TTL: variants seen among roughly 807,000 people sequenced by gnomAD.
TTL encodes tubulin--tyrosine ligase.
TTL carries 10 observed loss-of-function variants against 41.1 expected under a neutral mutation model. The observed-to-expected ratio is 0.24, with a 90% CI of 0.15 to 0.41. The LOEUF (loss-of-function observed/expected upper bound fraction) is 0.41. TTL is among the 10% of genes least tolerant of loss of function. The probability of loss-of-function intolerance (pLI) is 1.00; values close to 1 mark genes in which losing one functional copy is unlikely to be tolerated. For missense variants in TTL, 367 were observed against 460.4 expected (o/e 0.80, Z 1.86); for synonymous variants, 175 against 175.5 (o/e 1.00, Z 0.02).
chr2:112,494,962 C>T (rs1170796462), intron 3 of TTL, among the ~76,000 whole-genome samples: 1 of 152,176 alleles, frequency 6.6e-6, no homozygotes. Flanking sequence ...TAAATCTAAT[C>T]ATGTTACTTC....
chr2:112,485,958 G>A lies in TTL; in HGVS notation c.199G>A (p.Gly67Ser). ...GGTACAGTTGGTGAATTACTACAGG[G>A]GTGCTGACAAACTGTGTCGCAAAGC... ...GLVQLVNYYRGADKLCRKASL... is the reference protein window; with the variant it reads ...GLVQLVNYYRSADKLCRKASL... The change falls in exon 2 of 7, where the codon GGT becomes AGT. Residue 67 changes from glycine to serine, a missense_variant. Gly to Ser is a moderately conservative substitution (Grantham distance 56). Coordinates refer to ENST00000233336, the MANE Select transcript of TTL (RefSeq NM_153712.5). 1.2e-6 allele frequency: 2 copies of A among 1,614,162 alleles called. No individual in the cohort carries two copies. The highest frequency in any genetic ancestry group is 1.7e-6 in the Non-Finnish European group (2 of 1,180,036).
rs915032193 is a variant in TTL at position 112,539,856 on chromosome 2, C to T, written c.*11061C>T. 1.3e-5 allele frequency: 2 copies of T among 152,156 alleles called. No individual in the cohort carries two copies. The highest frequency in any genetic ancestry group is 2.4e-5 in the African/African-American group (1 of 41,432). 9.4% of individuals were successfully genotyped at this position (152,156 alleles called of 1,614,324 possible). ...CCAGACACAAGATCAATATACAAAA[C>T]TCAATGGTATTTCTACATATTACAA... On this transcript the variant is annotated 3_prime_UTR_variant, in exon 7 of 7. Coordinates refer to ENST00000233336, the MANE Select transcript of TTL (RefSeq NM_153712.5).
chr2:112,519,028 C>T (rs973939061), intron 5 of TTL, among the ~76,000 whole-genome samples: 1 of 152,152 alleles, frequency 6.6e-6, no homozygotes, highest in Non-Finnish European at 1.5e-5. Context: ...GGACAGTTAT[C>T]TCTGGTACAC....
intron 6 of TTL, among the ~76,000 whole-genome samples, chr2:112,526,116 T>G (rs1028370140): frequency 3.9e-5 from 6 of 152,230 alleles, no homozygotes; most frequent in African/African-American, 1.4e-4. Context: ...TGAACCAGCC[T>G]TGCATCCCAG....
At chr2:112,486,128 GC>G (rs1473023158) in intron 2 of TTL, 133 bp downstream of exon 2, 1 of 879,668 alleles carries the variant, frequency 1.1e-6, no homozygotes, top group East Asian at 2.7e-5. Context: ...CTTCCTCTAA[GC>G]CGCTTTGGTT....
In TTL at chr2:112,536,773, C is replaced by T. The variant is rs1682607053; in HGVS notation, c.*7978C>T. On this transcript the variant is annotated 3_prime_UTR_variant, in exon 7 of 7. Coordinates refer to ENST00000233336, the MANE Select transcript of TTL (RefSeq NM_153712.5). ...TTTGGCTCCCACTTATGAGACTGTGCAATATTTGGTTTTCTGTTCCTGTGT... is the reference window on the plus strand; with the variant it reads ...TTTGGCTCCCACTTATGAGACTGTGTAATATTTGGTTTTCTGTTCCTGTGT... The T allele has an allele frequency of 6.6e-6, 1 of 152,130 alleles. No homozygotes were observed. Among genetic ancestry groups the T allele is most frequent in the East Asian group, 1.9e-4 (1 of 5,200 alleles). The allele number at this position is 152,130 out of a possible 1,614,324, so 9.4% of individuals were successfully genotyped here.
Position 112,528,970 on chromosome 2 carries a change from CAG to C in TTL, c.*176_*177del. 1 of 624,166 alleles carries C rather than the reference CAG, an allele frequency of 1.6e-6. No homozygotes were observed. Among genetic ancestry groups the C allele is most frequent in the East Asian group, 2.7e-5 (1 of 36,538 alleles). 38.7% of individuals were successfully genotyped at this position (624,166 alleles called of 1,614,324 possible). On this transcript the variant is annotated 3_prime_UTR_variant, in exon 7 of 7. Transcript: ENST00000233336. Reference sequence around the variant, plus strand: ...GGCAGCTCCCAAAGAGAGGGCTGCTCAGGGGGCTTCCCAGATGTAGCTCTCAG... The same window carrying C: ...GGCAGCTCCCAAAGAGAGGGCTGCTCGGGGCTTCCCAGATGTAGCTCTCAG...
intron 6 of TTL, among the ~76,000 whole-genome samples, chr2:112,525,302 A>G (rs1471201983): frequency 6.6e-6 from 1 of 152,076 alleles, no homozygotes; most frequent in Non-Finnish European, 1.5e-5. Flanking sequence ...ATGAACTTTA[A>G]AGTAGTTTTT....
chr2:112,503,605 G>T (rs1177482995), intron 5 of TTL, among the ~76,000 whole-genome samples: 1 of 141,272 alleles, frequency 7.1e-6, no homozygotes, highest in Non-Finnish European at 1.5e-5. Context: ...GGCTAATTTT[G>T]TACTTTTAGT....
At chr2:112,492,532 T>C (rs989869647) in intron 2 of TTL, among the ~76,000 whole-genome samples, 1 of 152,130 alleles carries the variant, frequency 6.6e-6, no homozygotes. Flanking sequence ...AGATCGAGAC[T>C]ATCCTGGCTA....
intron 5 of TTL, among the ~76,000 whole-genome samples, chr2:112,511,669 A>G (rs963650817): frequency 6.6e-6 from 1 of 151,468 alleles, no homozygotes; most frequent in Non-Finnish European, 1.5e-5. Flanking sequence ...GGCTCAAGCC[A>G]TCCTCCCACC....
At chr2:112,491,026 C>CT (rs1681370866) in intron 2 of TTL, among the ~76,000 whole-genome samples, 1 of 152,106 alleles carries the variant, frequency 6.6e-6, no homozygotes, top group South Asian at 2.1e-4. Context: ...GAGTCTCACT[C>CT]TGTCACCCAG....
At position 112,501,247 on chromosome 2, in the gene TTL, G is replaced by C. The variant is rs2943625; in HGVS notation, c.511G>C (p.Asp171His). 1.2e-5 allele frequency: 20 copies of C among 1,613,640 alleles called. No homozygotes were observed. Among genetic ancestry groups the C allele is most frequent in the Middle Eastern group, 1.6e-4 (1 of 6,078 alleles). ...CTCCTCAGAGGCTTCAGAGCTTCTCGATTTCATAGACAACCAGGGCCAAGT... is the reference window on the plus strand; with the variant it reads ...CTCCTCAGAGGCTTCAGAGCTTCTCCATTTCATAGACAACCAGGGCCAAGT... The part of the protein sequence containing the change: ...LISSEASELL[D>H]FIDNQGQVHV... The change falls in exon 4 of 7, where the codon GAT becomes CAT. Residue 171 changes from aspartate (D) to histidine (H), a missense_variant. By Grantham distance (81) the Asp-to-His change is moderately conservative (BLOSUM62 -1). Coordinates refer to ENST00000233336, the MANE Select transcript of TTL (RefSeq NM_153712.5).
intron 3 of TTL, among the ~76,000 whole-genome samples, chr2:112,496,697 G>A (rs1334214348): frequency 7.8e-6 from 1 of 127,668 alleles, no homozygotes; most frequent in African/African-American, 2.7e-5. Flanking sequence ...GTGTGTGTGT[G>A]TGTGTGTGTG....
chr2:112,531,689 A>G lies in TTL; in HGVS notation c.*2894A>G. The G allele has an allele frequency of 4.5e-6, 1 of 220,934 alleles. No individual in the cohort carries two copies. Among genetic ancestry groups the G allele is most frequent in the Middle Eastern group, 1.4e-3 (1 of 730 alleles). 13.7% of individuals were successfully genotyped at this position (220,934 alleles called of 1,614,324 possible). On this transcript the variant is annotated 3_prime_UTR_variant, in exon 7 of 7. Coordinates refer to ENST00000233336, the MANE Select transcript of TTL (RefSeq NM_153712.5). ...AGAATTGCATAAGGCTTATGACTTA[A>G]AAAAAAAAATTCTTTTTGGAAACAC... is the stretch of plus-strand genomic sequence containing the variant.
intron 5 of TTL, among the ~76,000 whole-genome samples, chr2:112,519,138 C>T (rs1158840100): frequency 6.6e-6 from 1 of 151,746 alleles, no homozygotes; most frequent in South Asian, 2.1e-4. Context: ...ACAGAAATGG[C>T]ATAGGTTTTC....
chr2:112,520,467 G>A, intron 6 of TTL, 42 bp downstream of exon 6: 1 of 1,606,176 alleles, frequency 6.2e-7, no homozygotes, highest in Non-Finnish European at 8.5e-7. Flanking sequence ...TGGGAAGTTG[G>A]TTCTGCAGTT....
chr2:112,491,932 G>C (rs187095177), intron 2 of TTL, among the ~76,000 whole-genome samples: 1 of 151,798 alleles, frequency 6.6e-6, no homozygotes, highest in African/African-American at 2.4e-5. Context: ...TCAATTCCAC[G>C]TCAGTAGTAT....
At chr2:112,494,015 T>C (rs2104451974) in intron 2 of TTL, 128 bp from the exon 3 acceptor site, 1 of 682,842 alleles carries the variant, frequency 1.5e-6, no homozygotes, top group South Asian at 1.9e-5. Flanking sequence ...TAAGAGCAAA[T>C]AGAGATGTTA....
Sources: gnomAD v4.1 joint callset for allele counts (sites outside exome capture counted in the v4.1 genomes callset) on GRCh38, gnomAD v4.1.1 for gene constraint, MANE v1.5 for transcripts, NCBI Gene and HGNC (gene_info 2026-07-23, HGNC 2026-07-21) for gene names.